HELZ: variants seen among roughly 807,000 people sequenced by gnomAD.
HELZ encodes ATP-dependent RNA helicase with zinc finger domain.
HELZ carries 23 observed loss-of-function variants against 218.2 expected under a neutral mutation model. The ratio of observed to expected loss-of-function variants is 0.11; its 90% confidence interval spans 0.08 to 0.15. HELZ has a LOEUF of 0.15. Among genes scored for constraint, HELZ ranks in the 10% least tolerant of loss-of-function variants. The pLI, the probability that HELZ is intolerant of heterozygous loss-of-function variation, is 1.00. For missense variants in HELZ, 1,813 were observed against 2,353.7 expected (o/e 0.77, Z 4.75); for synonymous variants, 814 against 829.4 (o/e 0.98, Z 0.32).
chr17:67,089,500 C>T (rs911547846), intron 31 of HELZ, among the ~76,000 whole-genome samples: 2 of 151,716 alleles, frequency 1.3e-5, no homozygotes, highest in Admixed American at 6.6e-5. Flanking sequence ...AACCTATCTA[C>T]AGCTATTGAC....
At chr17:67,086,705 G>T in intron 32 of HELZ, 124 bp downstream of exon 32, 1 of 757,902 alleles carries the variant, frequency 1.3e-6, no homozygotes, top group Non-Finnish European at 2.1e-6. Flanking sequence ...TGAGCTATTA[G>T]CATCATTAAA....
chr17:67,215,550 T>C (rs2040577016), intron 5 of HELZ, among the ~76,000 whole-genome samples: 1 of 152,174 alleles, frequency 6.6e-6, no homozygotes, highest in Admixed American at 6.5e-5. Flanking sequence ...GGTTTCACCA[T>C]ATTGGCCAGG....
intron 3 of HELZ, among the ~76,000 whole-genome samples, chr17:67,230,344 T>A (rs2041003107): frequency 6.6e-6 from 1 of 152,130 alleles, no homozygotes; most frequent in South Asian, 2.1e-4. Context: ...ATGCCTGTAA[T>A]CCCAGCACTT....
intron 12 of HELZ, among the ~76,000 whole-genome samples, chr17:67,187,541 G>C (rs2039789326): frequency 6.6e-6 from 1 of 152,140 alleles, no homozygotes; most frequent in Admixed American, 6.5e-5. Flanking sequence ...CCACAATATG[G>C]TTAGTTATAG....
At chr17:67,196,347 C>T (rs2032662311) in intron 7 of HELZ, among the ~76,000 whole-genome samples, 1 of 152,306 alleles carries the variant, frequency 6.6e-6, no homozygotes, top group African/African-American at 2.4e-5. Context: ...CTAAGCTCTA[C>T]ACTTCCAATT....
chr17:67,114,455 TTCCAATGCTTA>T, intron 27 of HELZ, 52 bp from the exon 28 acceptor site: 1 of 1,003,078 alleles, frequency 1.0e-6, no homozygotes, highest in Non-Finnish European at 1.6e-6. Flanking sequence ...GATATGACAC[TTCCAATGCTTA>T]TCCAATATTA....
intron 30 of HELZ, 22 bp from the exon 31 acceptor site, chr17:67,107,707 TGAG>T (rs1384943394): frequency 6.3e-7 from 1 of 1,588,998 alleles, no homozygotes; most frequent in Admixed American, 1.8e-5. Context: ...CAATAAAATA[TGAG>T]GAGAAAACAA....
In HELZ at chr17:67,178,852, T is replaced by C. The variant is rs373653813; in HGVS notation, c.1237A>G (p.Ile413Val). The change falls in exon 13 of 33, where the codon ATT (isoleucine) becomes GTT (valine). Residue 413 changes from isoleucine to valine, a missense_variant. Ile to Val is a conservative substitution (Grantham distance 29). This residue lies in a region of HELZ where 714 missense variants were observed against 1,029.2 expected (regional missense o/e 0.69). Coordinates refer to ENST00000358691, the MANE Select transcript of HELZ (RefSeq NM_014877.4). ...GTTTCATTAGGTTCAAAATCTATAA[T>C]AGTCTTAGAGGAAGAATCCCAACGT... ...AKRWDSSSKT[I>V]IDFEPNETTD... 9.3e-6 allele frequency: 15 copies of C among 1,613,166 alleles called. No homozygotes were observed. Among genetic ancestry groups the C allele is most frequent in the East Asian group, 2.2e-5 (1 of 44,866 alleles).
rs918512845 is a variant in HELZ at position 67,087,182 on chromosome 17, T to C, written c.5242-101A>G. On this transcript the variant is annotated intron_variant, in intron 31 of 32. Transcript: ENST00000358691. ...ATATCTCACTATATAAAGTAAAAAT[T>C]GTCAAGAATATACTGTGACTGTGAA... The C allele has an allele frequency of 3.6e-6, 4 of 1,115,534 alleles. No individual in the cohort carries two copies. In the South Asian group the frequency reaches 6.0e-5, roughly 17 times the overall value. 69.1% of individuals were successfully genotyped at this position (1,115,534 alleles called of 1,614,324 possible). A position where few individuals can be genotyped will look rare whatever the true frequency, so the allele number is the denominator to read the frequency against.
chr17:67,154,606 T>C (rs1567847189), intron 17 of HELZ, among the ~76,000 whole-genome samples: 1 of 152,130 alleles, frequency 6.6e-6, no homozygotes, highest in African/African-American at 2.4e-5. Context: ...ATTTCTTAAA[T>C]AAGAAAAATA....
rs1250573244 is a variant in HELZ at position 67,190,275 on chromosome 17, T to C, written c.638A>G (p.Lys213Arg). Reference sequence around the variant, plus strand: ...TTTTATCAGCCGTGAAGCATATCTTTTCTGCCATTCTGCTAGTTCTTCCTG... The same window carrying C: ...TTTTATCAGCCGTGAAGCATATCTTCTCTGCCATTCTGCTAGTTCTTCCTG... ...HSQEELAEWQKRYASRLIKLK... is the reference protein window; with the variant it reads ...HSQEELAEWQRRYASRLIKLK... Residue 213 changes from lysine (K) to arginine (R), a missense_variant, in exon 10 of 33, where the codon AAA (lysine) becomes AGA (arginine). This residue lies in a region of HELZ where 714 missense variants were observed against 1,029.2 expected (regional missense o/e 0.69). Coordinates refer to ENST00000358691, the MANE Select transcript of HELZ (RefSeq NM_014877.4). The C allele has an allele frequency of 6.2e-7, 1 of 1,614,082 alleles. No individual in the cohort carries two copies. Among genetic ancestry groups the C allele is most frequent in the Admixed American group, 1.7e-5 (1 of 60,022 alleles).
intron 5 of HELZ, 136 bp from the exon 6 acceptor site, chr17:67,203,579 AG>A: frequency 1.0e-6 from 1 of 994,240 alleles, no homozygotes; most frequent in Non-Finnish European, 1.4e-6. Flanking sequence ...AGAGGGAAGC[AG>A]TGGTGTTTCT....
At chr17:67,191,933 G>C (rs2039907717) in intron 9 of HELZ, among the ~76,000 whole-genome samples, 1 of 152,000 alleles carries the variant, frequency 6.6e-6, no homozygotes, top group African/African-American at 2.4e-5. Flanking sequence ...GCCGGGCACA[G>C]TGGCTCACGC....
intron 21 of HELZ, among the ~76,000 whole-genome samples, chr17:67,144,494 A>G (rs1282083247): frequency 6.6e-6 from 1 of 152,090 alleles, no homozygotes; most frequent in South Asian, 2.1e-4. Context: ...TAAAAAAAAA[A>G]AAAAAACCTT....
Position 67,123,985 on chromosome 17 carries a change from A to T in HELZ, c.3417T>A (p.Asp1139Glu). The T allele has an allele frequency of 1.2e-6, 2 of 1,608,734 alleles. No individual in the cohort carries two copies. Among genetic ancestry groups the T allele is most frequent in the Non-Finnish European group, 1.7e-6 (2 of 1,175,828 alleles). ...KGKSLHHTQN[D>E]HFQNDGIVQP... ...TACCAATTCCATCATTCTGGAAGTGATCATTCTGGGTATGATGAAGACTTT... is the reference window on the plus strand; with the variant it reads ...TACCAATTCCATCATTCTGGAAGTGTTCATTCTGGGTATGATGAAGACTTT... Residue 1139 changes from aspartate to glutamate, a missense_variant, in exon 25 of 33, where the codon GAT becomes GAA. By Grantham distance (45) the Asp-to-Glu change is conservative. This residue lies in a region of HELZ where 938 missense variants were observed against 1,027.5 expected (regional missense o/e 0.91). Coordinates refer to ENST00000358691, the MANE Select transcript of HELZ (RefSeq NM_014877.4).
intron 3 of HELZ, among the ~76,000 whole-genome samples, chr17:67,233,204 T>G (rs937258778): frequency 6.6e-6 from 1 of 152,078 alleles, no homozygotes; most frequent in African/African-American, 2.4e-5. Flanking sequence ...AACACAAAAA[T>G]TAGCCGGGTG....
At chr17:67,176,485 C>G (rs889107318) in intron 13 of HELZ, 1 of 152,146 alleles carries the variant, frequency 6.6e-6, no homozygotes, top group Non-Finnish European at 1.5e-5. Flanking sequence ...ATTTCCACAC[C>G]AAAAGATTCA....
intron 3 of HELZ, among the ~76,000 whole-genome samples, chr17:67,231,706 C>T (rs1217074228): frequency 6.6e-6 from 1 of 151,732 alleles, no homozygotes; most frequent in Non-Finnish European, 1.5e-5. Context: ...TTTATGAGAA[C>T]TCTGACCTAT....
intron 13 of HELZ, among the ~76,000 whole-genome samples, chr17:67,170,540 C>A (rs1417731107): frequency 6.6e-6 from 1 of 151,424 alleles, no homozygotes; most frequent in Non-Finnish European, 1.5e-5. Context: ...ATAAATAGAA[C>A]AGGAGGCCAG....
Sources: allele counts gnomAD v4.1 joint callset (sites outside exome capture counted in the v4.1 genomes callset), GRCh38; gene constraint gnomAD v4.1.1; regional missense constraint gnomAD v4.1.1; transcripts MANE v1.5; gene names NCBI Gene and HGNC (gene_info 2026-07-23, HGNC 2026-07-21).